The following CHD6 variants were observed in gnomAD, a reference collection of about 807,000 sequenced individuals.
CHD6 encodes ATP-dependent chromatin remodeler CHD6.
A neutral mutation model predicts 276.9 loss-of-function variants in CHD6; 50 were observed. That is an observed-to-expected ratio of 0.18 (90% confidence interval 0.14 to 0.23). The LOEUF is 0.23. Among genes scored for constraint, CHD6 ranks in the 10% least tolerant of loss-of-function variants. The pLI is 1.00. For missense variants in CHD6, 2,564 were observed against 3,365.8 expected (o/e 0.76, Z 5.89); for synonymous variants, 1,173 against 1,229.3 (o/e 0.95, Z 0.96).
At position 41,504,827 on chromosome 20, in the gene CHD6, T is replaced by G. The variant is rs188040005; in HGVS notation, c.853-5470A>C. On this transcript the variant is annotated intron_variant, in intron 5 of 36. Coordinates refer to ENST00000373233, the MANE Select transcript of CHD6 (RefSeq NM_032221.5). ...ATTATATGATTATTCTCTTAATTTT[T>G]AGCCACCTTTTCCAGCCTCTTTGAA... Among the ~76,000 whole-genome samples the G allele has an allele frequency of 1.2e-3, 186 of 152,360 alleles. 1 individual carries two copies. The highest frequency in any genetic ancestry group is 8.1e-3 in the East Asian group (42 of 5,192).
intron 17 of CHD6, among the ~76,000 whole-genome samples, chr20:41,471,886 C>T (rs1266145536): frequency 6.6e-6 from 1 of 152,040 alleles, no homozygotes; most frequent in Non-Finnish European, 1.5e-5. Context: ...CACTAGTTTT[C>T]AACTAGTAGG....
intron 3 of CHD6, among the ~76,000 whole-genome samples, chr20:41,527,249 C>T (rs1382921737): frequency 1.3e-5 from 2 of 152,060 alleles, no homozygotes; most frequent in Non-Finnish European, 1.5e-5. Context: ...CCAGCCCGGC[C>T]AACATAGCAA....
At chr20:41,575,416 A>G (rs1028512068) in intron 1 of CHD6, among the ~76,000 whole-genome samples, 9 of 152,192 alleles carry the variant, frequency 5.9e-5, no homozygotes, top group African/African-American at 1.9e-4. Flanking sequence ...AACATCAATA[A>G]CTTTGTGAAA....
intron 12 of CHD6, 45 bp downstream of exon 12, chr20:41,489,733 T>C (rs1314897075): frequency 6.2e-7 from 1 of 1,609,540 alleles, no homozygotes; most frequent in South Asian, 1.1e-5. Context: ...AAGGCTGTTC[T>C]GAGCTTAGGC....
At chr20:41,449,724 A>G (rs1162112396) in intron 23 of CHD6, among the ~76,000 whole-genome samples, 3 of 152,180 alleles carry the variant, frequency 2.0e-5, no homozygotes, top group Non-Finnish European at 4.4e-5. Context: ...ATACTTCCAT[A>G]ATGTGCACAC....
At chr20:41,612,621 T>C (rs2146309790) in intron 1 of CHD6, among the ~76,000 whole-genome samples, 1 of 152,358 alleles carries the variant, frequency 6.6e-6, no homozygotes, top group South Asian at 2.1e-4. Flanking sequence ...TGTTAAATTA[T>C]GTAAAATTCT....
chr20:41,569,909 TCCTGGAA>T (rs2045399215), intron 1 of CHD6, among the ~76,000 whole-genome samples: 1 of 152,158 alleles, frequency 6.6e-6, no homozygotes, highest in African/African-American at 2.4e-5. Context: ...GGGATGGGTG[TCCTGGAA>T]CCAATCCCCC....
intron 8 of CHD6, among the ~76,000 whole-genome samples, chr20:41,494,921 ATAACT>A (rs1484840303): frequency 1.3e-5 from 2 of 152,206 alleles, no homozygotes; most frequent in Non-Finnish European, 2.9e-5. Flanking sequence ...TTAGTAAATT[ATAACT>A]TAACTTCCTT....
chr20:41,587,801 T>C (rs1167130102), intron 1 of CHD6, among the ~76,000 whole-genome samples: 3 of 151,068 alleles, frequency 2.0e-5, no homozygotes, highest in Non-Finnish European at 4.4e-5. Flanking sequence ...GGCCAGCAAC[T>C]GATGACATTT....
chr20:41,603,668 C>A (rs1168915181), intron 1 of CHD6, among the ~76,000 whole-genome samples: 1 of 152,104 alleles, frequency 6.6e-6, no homozygotes, highest in African/African-American at 2.4e-5. Context: ...GAGTTGGAGA[C>A]CAGCTTGGGC....
At chr20:41,536,633 C>A (rs1044819788) in intron 2 of CHD6, among the ~76,000 whole-genome samples, 1 of 152,160 alleles carries the variant, frequency 6.6e-6, no homozygotes, top group African/African-American at 2.4e-5. Context: ...CATTTCTATA[C>A]CTTTTCAACA....
chr20:41,402,387 G>C lies in CHD6; in HGVS notation c.*2206C>G, dbSNP rs1387653699. ...TGAACACCCAGAGAGTTAACATACA[G>C]ATTCCATAAGGATAACAAGGGATTG... On this transcript the variant is annotated 3_prime_UTR_variant, in exon 37 of 37. Transcript: ENST00000373233. 1.3e-5 allele frequency: 3 copies of C among 229,466 alleles called. No homozygotes were observed. Among genetic ancestry groups the C allele is most frequent in the Non-Finnish European group, 2.6e-5 (3 of 115,786 alleles). 14.2% of individuals were successfully genotyped at this position (229,466 alleles called of 1,614,324 possible). A position where few individuals can be genotyped will look rare whatever the true frequency, so the allele number is the denominator to read the frequency against.
rs551273046 is a variant in CHD6, at chr20:41,470,509, G to A, written c.2664+2813C>T. Among the ~76,000 whole-genome samples the A allele has an allele frequency of 1.2e-4, 19 of 152,296 alleles. No homozygotes were observed. In the South Asian group the frequency reaches 3.7e-3, roughly 30 times the overall value. The stretch of plus-strand genomic sequence containing the variant: ...TTCTTCGTTTCTTCATTCAGGCTGA[G>A]CATTAGAGGAAGTTCAGAAACTGAC... On this transcript the variant is annotated intron_variant, in intron 17 of 36. Coordinates refer to ENST00000373233, the MANE Select transcript of CHD6 (RefSeq NM_032221.5).
intron 2 of CHD6, among the ~76,000 whole-genome samples, chr20:41,541,650 C>A (rs556664462): frequency 1.3e-5 from 2 of 152,310 alleles, no homozygotes; most frequent in South Asian, 4.1e-4. Flanking sequence ...AAATGTAAGA[C>A]TGAAAGCAGG....
At chr20:41,585,830 G>A (rs2045588756) in intron 1 of CHD6, among the ~76,000 whole-genome samples, 1 of 152,112 alleles carries the variant, frequency 6.6e-6, no homozygotes, top group Non-Finnish European at 1.5e-5. Context: ...CAAAGTACCA[G>A]CAAATTGAAT....
chr20:41,415,499 T>C lies in CHD6; in HGVS notation c.6626A>G (p.Asn2209Ser), dbSNP rs1462150617. The change falls in exon 34 of 37, where the codon AAT (asparagine) becomes AGT (serine). Residue 2209 changes from asparagine to serine, a missense_variant. Physicochemically the swap from Asn to Ser is conservative, Grantham distance 46. Around this residue, in one of 7 missense-constraint regions of CHD6, gnomAD observed 1,024 missense variants for 1,047.9 expected, o/e 0.98. Transcript: ENST00000373233. Reference protein sequence around the residue: ...ATHGHTPIILNGWHGESAMDL... With the variant: ...ATHGHTPIILSGWHGESAMDL... ...CATAGCTGACTCCCCATGCCAGCCA[T>C]TGAGGATGATAGGGGTGTGCCCGTG... The C allele has an allele frequency of 3.7e-6, 6 of 1,614,010 alleles. No individual in the cohort carries two copies. The highest frequency in any genetic ancestry group is 2.2e-5 in the East Asian group (1 of 44,876).
chr20:41,574,235 T>A (rs924323444), intron 1 of CHD6, among the ~76,000 whole-genome samples: 2 of 152,164 alleles, frequency 1.3e-5, no homozygotes, highest in African/African-American at 4.8e-5. Context: ...TCTTTGTATG[T>A]TATTGTTCAA....
chr20:41,497,376 T>G lies in CHD6; in HGVS notation c.1092+8A>C, dbSNP rs1439785891. 1 of 1,562,120 alleles carries G rather than the reference T, an allele frequency of 6.4e-7. No homozygotes were observed. The highest frequency in any genetic ancestry group is 2.2e-5 in the East Asian group (1 of 44,578). ...AGCAGTCAAATGAGTCAGTAAATAT[T>G]GCTTCACCTCCGTAAAAATGTGCTT... On this transcript the variant is annotated splice_region_variant and intron_variant, in intron 8 of 36. Coordinates refer to ENST00000373233, the MANE Select transcript of CHD6 (RefSeq NM_032221.5).
In CHD6 at chr20:41,452,652, G is replaced by A. The variant is rs1161660754; in HGVS notation, c.3323+88C>T. 3.4e-6 allele frequency: 4 copies of A among 1,187,240 alleles called. No homozygotes were observed. Among genetic ancestry groups the A allele is most frequent in the African/African-American group, 1.5e-5 (1 of 65,792 alleles). The allele number at this position is 1,187,240 out of a possible 1,614,324, so 73.5% of individuals were successfully genotyped here. On this transcript the variant is annotated intron_variant, in intron 21 of 36. Transcript: ENST00000373233. This position sits in a 1 kb window ranked among gnomAD's most constrained non-coding sequence, Gnocchi z 4.2. Reference sequence around the variant, plus strand: ...TGCCCTATAATTCCAAAGGTGACTGGAGAGACATCCTAGACAAATCTCAGG... The same window carrying A: ...TGCCCTATAATTCCAAAGGTGACTGAAGAGACATCCTAGACAAATCTCAGG...
Sources: gnomAD v4.1 joint callset for allele counts (sites outside exome capture counted in the v4.1 genomes callset) on GRCh38, gnomAD v4.1.1 for gene constraint, gnomAD v4.1.1 regional missense constraint, Gnocchi (gnomAD v3.1) non-coding constraint, MANE v1.5 for transcripts, NCBI Gene and HGNC (gene_info 2026-07-23, HGNC 2026-07-21) for gene names.